NBDY: variants seen among roughly 807,000 people sequenced by gnomAD.
NBDY encodes negative regulator of P-body association, also known as P-body dissociating protein.
chrX:56,765,931 C>G (rs1198281852), intron 2 of NBDY, among the ~76,000 whole-genome samples: 2 of 111,246 alleles, frequency 1.8e-5, no homozygotes, highest in Admixed American at 1.9e-4. Context: ...TTCTTTTGCT[C>G]CTTGGTGATG....
intron 2 of NBDY, among the ~76,000 whole-genome samples, chrX:56,814,232 C>CT (rs1361476559): frequency 9.2e-6 from 1 of 108,390 alleles, no homozygotes; most frequent in Non-Finnish European, 1.9e-5. Flanking sequence ...GTTTTTGAGT[C>CT]TTTTTTTATT....
At chrX:56,751,497 T>G (rs1252772667) in intron 2 of NBDY, among the ~76,000 whole-genome samples, 1 of 112,301 alleles carries the variant, frequency 8.9e-6, no homozygotes, top group Non-Finnish European at 1.9e-5. Flanking sequence ...GTTACTTCAT[T>G]TGTTTCTAGG....
chrX:56,739,858 A>G (rs1274892133), intron 2 of NBDY, among the ~76,000 whole-genome samples: 3 of 111,770 alleles, frequency 2.7e-5, no homozygotes, highest in Non-Finnish European at 5.7e-5. Context: ...TTTCAAATCC[A>G]TTGATAATTC....
intron 2 of NBDY, among the ~76,000 whole-genome samples, chrX:56,791,475 C>G (rs2069762784): frequency 9.0e-6 from 1 of 111,573 alleles, no homozygotes; most frequent in Admixed American, 9.5e-5. Context: ...CAGGGTAGCT[C>G]TTTGCAGTTG....
chrX:56,814,071 C>A (rs1177228701), intron 2 of NBDY, among the ~76,000 whole-genome samples: 1 of 110,392 alleles, frequency 9.1e-6, no homozygotes, highest in Admixed American at 9.6e-5. Flanking sequence ...TGTTCTTTTA[C>A]TTTTTTATTT....
intron 2 of NBDY, among the ~76,000 whole-genome samples, chrX:56,781,812 C>T (rs1416066055): frequency 8.9e-6 from 1 of 111,839 alleles, no homozygotes; most frequent in Non-Finnish European, 1.9e-5. Flanking sequence ...ATTCTTTCTG[C>T]CGTGTCTCCA....
chrX:56,756,912 G>GCCACT, intron 2 of NBDY, among the ~76,000 whole-genome samples: 1 of 110,425 alleles, frequency 9.1e-6, no homozygotes, highest in East Asian at 2.8e-4. Context: ...CCGAGATTGC[G>GCCACT]CCACTCCACT....
At chrX:56,782,942 A>G (rs1348859271) in intron 2 of NBDY, among the ~76,000 whole-genome samples, 1 of 112,481 alleles carries the variant, frequency 8.9e-6, no homozygotes, top group Non-Finnish European at 1.9e-5. Context: ...AAACACACAC[A>G]TTAAACACGC....
intron 2 of NBDY, among the ~76,000 whole-genome samples, chrX:56,804,216 G>A (rs1050885040): frequency 3.3e-4 from 37 of 112,078 alleles, no homozygotes; most frequent in African/African-American, 1.1e-3. Context: ...TCTTGGGGAA[G>A]GGACAAAAGC....
chrX:56,742,954 G>T (rs1216075267), intron 2 of NBDY, among the ~76,000 whole-genome samples: 1 of 111,457 alleles, frequency 9.0e-6, no homozygotes, highest in Non-Finnish European at 1.9e-5. Context: ...GATACTAGCT[G>T]TGGGTCTGTT....
intron 2 of NBDY, among the ~76,000 whole-genome samples, chrX:56,733,793 C>A (rs767098406): frequency 8.9e-6 from 1 of 112,275 alleles, no homozygotes; most frequent in South Asian, 3.7e-4. Context: ...ACAGTGTAAA[C>A]CCATCTGCTT....
chrX:56,736,558 G>A lies in NBDY; in HGVS notation c.*166+4359G>A, dbSNP rs375566289. 7.9e-4 allele frequency among the ~76,000 whole-genome samples: 89 copies of A among 112,556 alleles called. 1 individual carries two copies. The highest frequency in any genetic ancestry group is 6.6e-3 in the South Asian group (18 of 2,729). On this transcript the variant is annotated intron_variant, in intron 2 of 2. Coordinates refer to ENST00000374922, the MANE Select transcript of NBDY (RefSeq NM_001348129.2). ...TGGGACCACAGGCGTGAGCCACCAC[G>A]CCCGGCCAATGATTCTAATTTATAT...
intron 2 of NBDY, among the ~76,000 whole-genome samples, chrX:56,784,083 G>A (rs1359912853): frequency 8.9e-6 from 1 of 111,839 alleles, no homozygotes; most frequent in Non-Finnish European, 1.9e-5. Flanking sequence ...CAGTGTGAGT[G>A]GGTACAGGGG....
intron 2 of NBDY, among the ~76,000 whole-genome samples, chrX:56,759,508 C>A (rs1203454603): frequency 1.8e-5 from 2 of 110,947 alleles, no homozygotes; most frequent in South Asian, 3.9e-4. Flanking sequence ...TCTCTTTCTC[C>A]TTCCTATTTT....
chrX:56,789,407 T>C (rs913802637), intron 2 of NBDY, among the ~76,000 whole-genome samples: 7 of 112,046 alleles, frequency 6.2e-5, no homozygotes, highest in African/African-American at 2.3e-4. Context: ...TGTGTGAGTG[T>C]GTGGGCCTGC....
intron 2 of NBDY, among the ~76,000 whole-genome samples, chrX:56,813,691 C>T (rs2069897753): frequency 8.9e-6 from 1 of 111,750 alleles, no homozygotes; most frequent in Non-Finnish European, 1.9e-5. Context: ...GATGGGCATG[C>T]TTTTTTGTCT....
At position 56,788,951 on chromosome X, in the gene NBDY, C is replaced by T. The variant is rs137971511; in HGVS notation, c.*167-28369C>T. Among the ~76,000 whole-genome samples, 952 of 112,127 alleles carry T rather than the reference C, an allele frequency of 8.5e-3. 9 individuals are homozygous for T. Among genetic ancestry groups the T allele is most frequent in the African/African-American group, 0.03 (918 of 30,788 alleles). ...GGCTTAAGCAGAGTCCACCCAGCCC[C>T]GCACATTTTCACTGATCTCTGTGCC... On this transcript the variant is annotated intron_variant, in intron 2 of 2. Coordinates refer to ENST00000374922, the MANE Select transcript of NBDY (RefSeq NM_001348129.2).
intron 2 of NBDY, among the ~76,000 whole-genome samples, chrX:56,764,445 C>T (rs1393760743): frequency 1.8e-5 from 2 of 111,196 alleles, no homozygotes; most frequent in African/African-American, 3.3e-5. Context: ...GTTGCTTCTC[C>T]AAAGCGTCCC....
intron 2 of NBDY, among the ~76,000 whole-genome samples, chrX:56,735,359 C>T (rs2069482317): frequency 8.9e-6 from 1 of 112,575 alleles, no homozygotes; most frequent in East Asian, 2.8e-4. Context: ...AATAGGCATA[C>T]ACTGTGACTT....
Sources: gnomAD v4.1 joint callset for allele counts (sites outside exome capture counted in the v4.1 genomes callset) on GRCh38, gnomAD v4.1.1 for gene constraint, MANE v1.5 for transcripts, NCBI Gene and HGNC (gene_info 2026-07-23, HGNC 2026-07-21) for gene names.